TINAG: variants seen among roughly 807,000 people sequenced by gnomAD.
TINAG encodes the protein tubulointerstitial nephritis antigen.
In TINAG, 83 loss-of-function variants were observed where a neutral mutation model predicts 72.7. The ratio of observed to expected loss-of-function variants is 1.14; its 90% CI spans 0.96 to 1.37. The LOEUF is 1.37. Among genes scored for constraint, TINAG ranks in the 40% most tolerant of loss-of-function variants. TINAG has a pLI of 0.00. For missense variants in TINAG, 685 were observed against 576.6 expected (o/e 1.19, Z -1.93); for synonymous variants, 234 against 189.9 (o/e 1.23, Z -1.91).
chr6:54,315,150 T>C (rs2150930731), intron 1 of TINAG, among the ~76,000 whole-genome samples: 1 of 152,300 alleles, frequency 6.6e-6, no homozygotes, highest in African/African-American at 2.4e-5. Context: ...CACTGATCTA[T>C]TAAATATATT....
intron 9 of TINAG, among the ~76,000 whole-genome samples, chr6:54,374,024 A>G (rs1377445731): frequency 6.6e-6 from 1 of 152,140 alleles, no homozygotes; most frequent in Non-Finnish European, 1.5e-5. Context: ...ACAGAAGGAC[A>G]GTTCTCTCAG....
In TINAG at chr6:54,354,599, T is replaced by C. The variant is rs561602659; in HGVS notation, c.1213T>C (p.Tyr405His). The change falls in exon 9 of 11, where the codon TAT (tyrosine) becomes CAT (histidine). Residue 405 changes from tyrosine to histidine, a missense_variant. Tyr to His is a moderately conservative substitution (Grantham distance 83). Transcript: ENST00000259782. The stretch of plus-strand genomic sequence containing the variant: ...CAGCACAAATAAAGAATCAGAAAAA[T>C]ATCGAAAGCTTCAGACACATGCAGT... ...VTSTNKESEK[Y>H]RKLQTHAVKL... is the part of the protein sequence containing the mutation. The C allele has an allele frequency of 1.7e-5, 27 of 1,610,698 alleles. No individual in the cohort carries two copies. In the South Asian group the frequency reaches 2.8e-4, roughly 16 times the overall value.
chr6:54,350,417 T>C (rs1785237899), intron 7 of TINAG, among the ~76,000 whole-genome samples: 1 of 151,922 alleles, frequency 6.6e-6, no homozygotes, highest in Non-Finnish European at 1.5e-5. Flanking sequence ...TGTCTTCTAA[T>C]TATCTCCAGA....
At chr6:54,326,174 ATG>A (rs1256040728) in intron 3 of TINAG, among the ~76,000 whole-genome samples, 1 of 151,940 alleles carries the variant, frequency 6.6e-6, no homozygotes, top group Non-Finnish European at 1.5e-5. Context: ...GGCACAAAAT[ATG>A]TCTCTACAAA....
At chr6:54,326,316 A>AATTTTTAAAAATCTGATGTC in intron 3 of TINAG, among the ~76,000 whole-genome samples, 1 of 152,050 alleles carries the variant, frequency 6.6e-6, no homozygotes, top group Admixed American at 6.5e-5. Flanking sequence ...ATTTTTAATT[A>AATTTTTAAAAATCTGATGTC]ATTTTTAAAA....
At chr6:54,385,931 T>C (rs1007591553) in intron 10 of TINAG, among the ~76,000 whole-genome samples, 1 of 138,972 alleles carries the variant, frequency 7.2e-6, no homozygotes. Flanking sequence ...CACTCTGTCG[T>C]CCAGGCTGGA....
At chr6:54,370,260 T>C (rs1763563321) in intron 9 of TINAG, among the ~76,000 whole-genome samples, 1 of 152,124 alleles carries the variant, frequency 6.6e-6, no homozygotes, top group Non-Finnish European at 1.5e-5. Context: ...ATATGATTTC[T>C]TTTATGTGAG....
intron 9 of TINAG, among the ~76,000 whole-genome samples, chr6:54,360,863 T>TTTTTTTTTTTTTTTTTTTTG (rs1763212642): frequency 8.0e-6 from 1 of 125,212 alleles, no homozygotes; most frequent in Non-Finnish European, 1.7e-5. Flanking sequence ...TTTTTTTTTT[T>TTTTTTTTTTTTTTTTTTTTG]TTTTTTTTTC....
At chr6:54,371,498 G>GAGTAGA (rs1763605981) in intron 9 of TINAG, among the ~76,000 whole-genome samples, 1 of 151,442 alleles carries the variant, frequency 6.6e-6, no homozygotes, top group Admixed American at 6.6e-5. Context: ...AATTTAGAAT[G>GAGTAGA]ATTCTAATTA....
At chr6:54,351,638 T>A (rs1304512696) in intron 8 of TINAG, among the ~76,000 whole-genome samples, 1 of 151,966 alleles carries the variant, frequency 6.6e-6, no homozygotes, top group Non-Finnish European at 1.5e-5. Context: ...TAAAAATTAA[T>A]GACACATTTG....
chr6:54,360,841 GTTTTTTTTTTTT>G lies in TINAG; in HGVS notation c.1250+6225_1250+6236del, dbSNP rs70983415. Among the ~76,000 whole-genome samples the G allele has an allele frequency of 4.0e-3, 105 of 26,250 alleles. 1 individual carries two copies. Among genetic ancestry groups the G allele is most frequent in the East Asian group, 0.04 (32 of 804 alleles). The allele number at this position is 26,250 out of a possible 152,430, so 17.2% of individuals were successfully genotyped here. On this transcript the variant is annotated intron_variant, in intron 9 of 10. Transcript: ENST00000259782. ...GTTTCTTGTGTTTCACAGATACTGTGTTTTTTTTTTTTTTTTTTTTTTTTTTTTTTTCAAATT... is the reference window on the plus strand; with the variant it reads ...GTTTCTTGTGTTTCACAGATACTGTGTTTTTTTTTTTTTTTTTTTCAAATT...
intron 4 of TINAG, 92 bp downstream of exon 4, chr6:54,327,008 G>T: frequency 6.4e-7 from 1 of 1,571,934 alleles, no homozygotes; most frequent in Non-Finnish European, 8.6e-7. Flanking sequence ...CTAAAATAAT[G>T]AGTTTTGAGC....
intron 9 of TINAG, among the ~76,000 whole-genome samples, chr6:54,355,778 T>C (rs1301682220): frequency 6.7e-6 from 1 of 149,652 alleles, no homozygotes; most frequent in Non-Finnish European, 1.5e-5. Context: ...TCCTAGATAA[T>C]AACCTCTGTT....
At chr6:54,318,151 C>T (rs192550267) in intron 1 of TINAG, among the ~76,000 whole-genome samples, 63 of 152,242 alleles carry the variant, frequency 4.1e-4, no homozygotes, top group African/African-American at 1.5e-3. Context: ...CTCCAAAAGA[C>T]TCTTATTTAG....
At chr6:54,360,740 T>C (rs1763200024) in intron 9 of TINAG, among the ~76,000 whole-genome samples, 1 of 151,482 alleles carries the variant, frequency 6.6e-6, no homozygotes, top group African/African-American at 2.4e-5. Context: ...TTGACTTTTT[T>C]TCATCTTGTC....
At chr6:54,356,251 C>A (rs1164461472) in intron 9 of TINAG, among the ~76,000 whole-genome samples, 1 of 151,778 alleles carries the variant, frequency 6.6e-6, no homozygotes, top group Admixed American at 6.6e-5. Flanking sequence ...AATACCAAAT[C>A]AGGCCAGGTG....
At chr6:54,311,867 T>G (rs1181838055) in intron 1 of TINAG, among the ~76,000 whole-genome samples, 1 of 152,162 alleles carries the variant, frequency 6.6e-6, no homozygotes, top group Non-Finnish European at 1.5e-5. Context: ...TGCATAAAAT[T>G]TATAGACTTA....
At chr6:54,337,729 C>T (rs1784900139) in intron 4 of TINAG, among the ~76,000 whole-genome samples, 1 of 152,070 alleles carries the variant, frequency 6.6e-6, no homozygotes, top group Non-Finnish European at 1.5e-5. Flanking sequence ...CAATAACGAC[C>T]ATTTTCTCCA....
At chr6:54,342,062 G>GGGGTGTGT (rs1554204636) in intron 4 of TINAG, among the ~76,000 whole-genome samples, 14 of 147,678 alleles carry the variant, frequency 9.5e-5, no homozygotes, top group South Asian at 8.4e-4. Flanking sequence ...AAATGATTGG[G>GGGGTGTGT]GTGTGTGTGT....
Sources: allele counts gnomAD v4.1 joint callset (sites outside exome capture counted in the v4.1 genomes callset), GRCh38; gene constraint gnomAD v4.1.1; transcripts MANE v1.5; gene names NCBI Gene and HGNC (gene_info 2026-07-23, HGNC 2026-07-21).